Variants in LIMA1 observed in about 807,000 individuals in gnomAD.
LIMA1 encodes LIM domain and actin binding 1.
LIMA1 carries 52 observed loss-of-function variants against 62.6 expected under a neutral mutation model. The observed-to-expected ratio is 0.83, with a 90% CI of 0.67 to 1.05. The LOEUF (loss-of-function observed/expected upper bound fraction) is 1.05. Ranked by LOEUF, LIMA1 falls within the 50% of genes least tolerant of loss-of-function variation. The pLI, the probability that LIMA1 is intolerant of heterozygous loss-of-function variation, is 0.00. For synonymous variants in LIMA1, 302 were observed against 317.8 expected (o/e 0.95, Z 0.53); for missense variants, 780 against 902.2 (o/e 0.86, Z 1.74).
intron 8 of LIMA1, among the ~76,000 whole-genome samples, chr12:50,193,604 AC>A (rs1218808146): frequency 6.0e-4 from 2 of 3,348 alleles, no homozygotes; most frequent in Non-Finnish European, 2.5e-3. Flanking sequence ...ATATATATAT[AC>A]ATGTATATAT....
In LIMA1 at chr12:50,234,138, C is replaced by T. The variant is rs1410526784; in HGVS notation, c.120-2428G>A. 8.6e-6 allele frequency: 4 copies of T among 466,352 alleles called. No individual in the cohort carries two copies. In the Admixed American group the frequency reaches 9.7e-5, roughly 11 times the overall value. The allele number at this position is 466,352 out of a possible 1,614,324, so 28.9% of individuals were successfully genotyped here. A position where few individuals can be genotyped will look rare whatever the true frequency, so the allele number is the denominator to read the frequency against. On this transcript the variant is annotated intron_variant, in intron 2 of 10. Coordinates refer to ENST00000341247, the MANE Select transcript of LIMA1 (RefSeq NM_016357.5). ...TTTTCAAGGAGGAACAGGTTTTCTC[C>T]ATTTAAAGACTAAGTGGTCCGGAGA...
chr12:50,206,191 G>T lies in LIMA1; in HGVS notation c.631-123C>A, dbSNP rs923037537. 2.4e-5 allele frequency: 17 copies of T among 709,458 alleles called. 1 individual carries two copies. The highest frequency in any genetic ancestry group is 3.9e-4 in the Middle Eastern group (1 of 2,562). The allele number at this position is 709,458 out of a possible 1,614,324, so 43.9% of individuals were successfully genotyped here. A position where few individuals can be genotyped will look rare whatever the true frequency, so the allele number is the denominator to read the frequency against. On this transcript the variant is annotated intron_variant, in intron 4 of 10. Transcript: ENST00000341247. ...TTGATTTTATATTTTATATTCTATA[G>T]AATTTTTTTTAAATTACAAATATCA...
intron 1 of LIMA1, among the ~76,000 whole-genome samples, chr12:50,258,639 CTTTTTTTTT>C (rs34324226): frequency 7.4e-5 from 5 of 67,404 alleles, no homozygotes; most frequent in South Asian, 6.4e-4. Flanking sequence ...TCTACCTATA[CTTTTTTTTT>C]TTTTTTTTTT....
intron 2 of LIMA1, among the ~76,000 whole-genome samples, chr12:50,243,502 G>A (rs925661149): frequency 2.0e-5 from 3 of 152,156 alleles, no homozygotes; most frequent in African/African-American, 7.2e-5. Flanking sequence ...AAATAGTCCT[G>A]CAGTCTTCTT....
intron 2 of LIMA1, among the ~76,000 whole-genome samples, chr12:50,245,622 A>G (rs1217922407): frequency 6.7e-6 from 1 of 150,356 alleles, no homozygotes; most frequent in Non-Finnish European, 1.5e-5. Context: ...TCACAATGTC[A>G]TGGGTTCATT....
intron 7 of LIMA1, among the ~76,000 whole-genome samples, chr12:50,197,222 T>G (rs1940948986): frequency 6.6e-6 from 1 of 151,808 alleles, no homozygotes; most frequent in Admixed American, 6.6e-5. Context: ...AGGTGCCCAT[T>G]ATCACACCCG....
intron 8 of LIMA1, 140 bp downstream of exon 8, chr12:50,195,690 A>G (rs1940912333): frequency 2.6e-6 from 2 of 763,990 alleles, no homozygotes; most frequent in Admixed American, 3.0e-5. Flanking sequence ...TGTAAAGGAC[A>G]TTCAAGCATT....
chr12:50,231,795 C>T, intron 2 of LIMA1, 85 bp from the exon 3 acceptor site: 2 of 1,336,470 alleles, frequency 1.5e-6, no homozygotes, highest in Non-Finnish European at 1.1e-6. Flanking sequence ...GAGATGAAGT[C>T]TCACGCTTAT....
chr12:50,208,247 AGGCC>A (rs1941189397), intron 4 of LIMA1, among the ~76,000 whole-genome samples: 1 of 152,174 alleles, frequency 6.6e-6, no homozygotes. Flanking sequence ...GCACTTTGGG[AGGCC>A]GAGGCAGAAG....
intron 1 of LIMA1, among the ~76,000 whole-genome samples, chr12:50,272,157 T>C (rs1040555335): frequency 2.0e-5 from 3 of 152,142 alleles, no homozygotes; most frequent in Non-Finnish European, 4.4e-5. Flanking sequence ...TTTTAGATGA[T>C]GTGCTGTTTT....
intron 1 of LIMA1, among the ~76,000 whole-genome samples, chr12:50,249,249 G>C (rs1371541052): frequency 6.6e-6 from 1 of 152,200 alleles, no homozygotes; most frequent in Non-Finnish European, 1.5e-5. Flanking sequence ...GCAGCGTGGT[G>C]TAATAGGAAG....
chr12:50,227,384 G>A (rs767274313), intron 3 of LIMA1, among the ~76,000 whole-genome samples: 3 of 151,698 alleles, frequency 2.0e-5, no homozygotes, highest in Non-Finnish European at 2.9e-5. Flanking sequence ...GATTACAGGC[G>A]TGAGCCACCA....
chr12:50,235,327 G>A (rs1941676434), intron 2 of LIMA1, among the ~76,000 whole-genome samples: 1 of 142,262 alleles, frequency 7.0e-6, no homozygotes, highest in African/African-American at 2.7e-5. Context: ...CTCCTAGGCT[G>A]GAGTATAGTG....
intron 2 of LIMA1, among the ~76,000 whole-genome samples, chr12:50,236,166 A>G (rs1185169296): frequency 6.6e-6 from 1 of 152,156 alleles, no homozygotes; most frequent in East Asian, 1.9e-4. Flanking sequence ...CTCCATCTCA[A>G]AAAAAACAAA....
intron 5 of LIMA1, 76 bp from the exon 6 acceptor site, chr12:50,204,776 G>A: frequency 7.0e-7 from 1 of 1,430,662 alleles, no homozygotes; most frequent in Non-Finnish European, 9.7e-7. Flanking sequence ...CTGAAGTGCA[G>A]TGGCACGATC....
At chr12:50,252,661 A>G (rs981776285) in intron 1 of LIMA1, among the ~76,000 whole-genome samples, 1 of 151,980 alleles carries the variant, frequency 6.6e-6, no homozygotes, top group Non-Finnish European at 1.5e-5. Context: ...CCATATTTCA[A>G]TAGTGGGAAG....
intron 7 of LIMA1, among the ~76,000 whole-genome samples, chr12:50,200,411 G>T (rs1319306678): frequency 1.3e-5 from 2 of 151,802 alleles, no homozygotes; most frequent in African/African-American, 4.8e-5. Context: ...CTGTGGGCTA[G>T]GCTGGTCTCG....
At chr12:50,204,530 A>G in intron 6 of LIMA1, 22 bp downstream of exon 6, 1 of 1,599,362 alleles carries the variant, frequency 6.3e-7, no homozygotes, top group Non-Finnish European at 8.5e-7. Context: ...GAATGAATGA[A>G]TGAATGATGC....
chr12:50,215,504 C>T (rs1941328020), intron 4 of LIMA1, among the ~76,000 whole-genome samples: 1 of 152,168 alleles, frequency 6.6e-6, no homozygotes, highest in Non-Finnish European at 1.5e-5. Context: ...CAGTCTCGCT[C>T]TGTCGCCCAG....
Sources: allele counts gnomAD v4.1 joint callset (sites outside exome capture counted in the v4.1 genomes callset), GRCh38; gene constraint gnomAD v4.1.1; transcripts MANE v1.5; gene names NCBI Gene and HGNC (gene_info 2026-07-23, HGNC 2026-07-21).